GRM7: variants seen among roughly 807,000 people sequenced by gnomAD.
The protein encoded by GRM7 is glutamate metabotropic receptor 7.
A neutral mutation model predicts 84.5 loss-of-function variants in GRM7; 35 were observed. The ratio of observed to expected loss-of-function variants is 0.41; its 90% confidence interval spans 0.32 to 0.55. The LOEUF is 0.55. Ranked by LOEUF, GRM7 falls within the 20% of genes least tolerant of loss-of-function variation. The pLI is 0.19. For synonymous variants in GRM7, 487 were observed against 455.1 expected, an observed-to-expected ratio of 1.07 and a Z score of -0.89; for missense variants, 1,003 against 1,194.6, an observed-to-expected ratio of 0.84 and a Z score of 2.36.
chr3:7,021,904 T>C (rs1181332113), intron 1 of GRM7, among the ~76,000 whole-genome samples: 2 of 152,196 alleles, frequency 1.3e-5, no homozygotes, highest in African/African-American at 4.8e-5. Context: ...TGACACTTGG[T>C]GTGAAAATGT....
chr3:6,920,196 A>T (rs921616687), intron 1 of GRM7, among the ~76,000 whole-genome samples: 2 of 152,134 alleles, frequency 1.3e-5, no homozygotes, highest in Non-Finnish European at 2.9e-5. Context: ...GAGTTTTGAG[A>T]TTGCTAAGCT....
At chr3:7,582,562 C>A (rs1695309657) in intron 8 of GRM7, among the ~76,000 whole-genome samples, 1 of 152,026 alleles carries the variant, frequency 6.6e-6, no homozygotes, top group African/African-American at 2.4e-5. Context: ...AATTGAAGGG[C>A]AGAGAAAATT....
intron 5 of GRM7, among the ~76,000 whole-genome samples, chr3:7,428,831 C>G (rs1298592072): frequency 2.6e-5 from 4 of 152,156 alleles, no homozygotes; most frequent in African/African-American, 9.7e-5. Context: ...AACATACACA[C>G]TATATCTGTT....
chr3:6,977,964 A>G (rs1377043636), intron 1 of GRM7, among the ~76,000 whole-genome samples: 1 of 152,198 alleles, frequency 6.6e-6, no homozygotes, highest in African/African-American at 2.4e-5. Flanking sequence ...AAAGACCTCA[A>G]GTGAGCAAGA....
chr3:7,690,946 C>CCAAT (rs1700777179), intron 9 of GRM7: 1 of 306,654 alleles, frequency 3.3e-6, no homozygotes, highest in Non-Finnish European at 6.4e-6. Context: ...TTTCTTTCCC[C>CCAAT]CAATCATTGT....
At chr3:7,276,159 G>T (rs1348211604) in intron 2 of GRM7, among the ~76,000 whole-genome samples, 3 of 150,534 alleles carry the variant, frequency 2.0e-5, no homozygotes, top group East Asian at 3.9e-4. Flanking sequence ...TGCTGGAGAA[G>T]AAATCAGAAA....
intron 1 of GRM7, among the ~76,000 whole-genome samples, chr3:6,913,715 A>G (rs1042486883): frequency 1.3e-5 from 2 of 152,180 alleles, no homozygotes; most frequent in Non-Finnish European, 2.9e-5. Flanking sequence ...GTTTTAGAGT[A>G]CGCACAGTTT....
intron 1 of GRM7, among the ~76,000 whole-genome samples, chr3:7,113,006 A>T (rs1052568299): frequency 6.6e-6 from 1 of 152,182 alleles, no homozygotes; most frequent in African/African-American, 2.4e-5. Context: ...AAATGAGCTT[A>T]GATGAAAACT....
intron 1 of GRM7, among the ~76,000 whole-genome samples, chr3:6,865,641 T>G (rs1694913754): frequency 6.6e-6 from 1 of 152,182 alleles, no homozygotes; most frequent in African/African-American, 2.4e-5. Flanking sequence ...TCTGTGGACC[T>G]TGTATCATAA....
chr3:7,409,821 C>G (rs933774333), intron 4 of GRM7, among the ~76,000 whole-genome samples: 1 of 152,086 alleles, frequency 6.6e-6, no homozygotes, highest in African/African-American at 2.4e-5. Context: ...AGGATGGTCT[C>G]GATCTCCTGA....
At chr3:7,060,609 A>G (rs1274116941) in intron 1 of GRM7, among the ~76,000 whole-genome samples, 1 of 151,758 alleles carries the variant, frequency 6.6e-6, no homozygotes, top group Non-Finnish European at 1.5e-5. Context: ...TGATAAATTA[A>G]CTATTGTTAT....
intron 8 of GRM7, among the ~76,000 whole-genome samples, chr3:7,639,629 A>G (rs1200037195): frequency 6.6e-6 from 1 of 152,098 alleles, no homozygotes; most frequent in Non-Finnish European, 1.5e-5. Context: ...TTAAACTCCT[A>G]CTACCTTTTT....
chr3:7,253,381 G>A (rs1698075724), intron 2 of GRM7, among the ~76,000 whole-genome samples: 1 of 152,120 alleles, frequency 6.6e-6, no homozygotes, highest in African/African-American at 2.4e-5. Flanking sequence ...TTGGGAGGCT[G>A]ATGTGGGCAG....
intron 8 of GRM7, among the ~76,000 whole-genome samples, chr3:7,614,606 C>G (rs767846059): frequency 6.6e-6 from 1 of 152,136 alleles, no homozygotes; most frequent in Non-Finnish European, 1.5e-5. Context: ...TATTCTTGAT[C>G]AATCCAATAG....
At chr3:7,021,024 T>C (rs1449668516) in intron 1 of GRM7, among the ~76,000 whole-genome samples, 2 of 152,142 alleles carry the variant, frequency 1.3e-5, no homozygotes, top group Admixed American at 6.5e-5. Flanking sequence ...ACAAAGAAGT[T>C]AGGTCACCTT....
intron 3 of GRM7, among the ~76,000 whole-genome samples, chr3:7,303,144 GT>G (rs1700067625): frequency 6.6e-6 from 1 of 151,998 alleles, no homozygotes; most frequent in Admixed American, 6.6e-5. Context: ...CTTTCACCAT[GT>G]TAGCCAGGAT....
In GRM7 at chr3:7,127,729, G is replaced by A. The variant is rs143404822; in HGVS notation, c.520-18723G>A. Among the ~76,000 whole-genome samples, 119 of 152,234 alleles carry A rather than the reference G, an allele frequency of 7.8e-4. 4 individuals carry two copies. Among genetic ancestry groups the A allele is most frequent in the Middle Eastern group, 3.4e-3 (1 of 292 alleles). On this transcript the variant is annotated intron_variant, in intron 1 of 9. Coordinates refer to ENST00000357716, the MANE Select transcript of GRM7 (RefSeq NM_000844.4). ...ACCCATAAATGAGACATGTACAAAT[G>A]CATTGGTTTCAAATCTAAAAGAAAC...
intron 1 of GRM7, among the ~76,000 whole-genome samples, chr3:7,004,619 C>A (rs867672285): frequency 6.6e-6 from 1 of 151,934 alleles, no homozygotes; most frequent in Non-Finnish European, 1.5e-5. Context: ...TTCACTCATA[C>A]GAGTAGGTAA....
At chr3:7,109,078 C>A (rs549872376) in intron 1 of GRM7, among the ~76,000 whole-genome samples, 3 of 151,858 alleles carry the variant, frequency 2.0e-5, no homozygotes, top group Non-Finnish European at 4.4e-5. Context: ...TGTCCATGGC[C>A]GAGTGCTGAG....
Sources: gnomAD v4.1 joint callset for allele counts (sites outside exome capture counted in the v4.1 genomes callset) on GRCh38, gnomAD v4.1.1 for gene constraint, MANE v1.5 for transcripts, NCBI Gene and HGNC (gene_info 2026-07-23, HGNC 2026-07-21) for gene names.